Variants in CCDC18 observed in about 807,000 individuals in gnomAD.
The protein encoded by CCDC18 is coiled-coil domain containing 18.
In CCDC18, 157 loss-of-function variants were observed where a neutral mutation model predicts 196.0. That is an observed-to-expected ratio of 0.80 (90% CI 0.70 to 0.91). The LOEUF is 0.91. Ranked by LOEUF, CCDC18 falls within the 40% of genes least tolerant of loss-of-function variation. CCDC18 has a pLI of 0.00. For synonymous variants in CCDC18, 482 were observed against 529.2 expected (o/e 0.91, Z 1.22); for missense variants, 1,465 against 1,611.6 (o/e 0.91, Z 1.56).
chr1:93,188,249 A>G (rs886620521), intron 4 of CCDC18, among the ~76,000 whole-genome samples: 2 of 152,182 alleles, frequency 1.3e-5, no homozygotes, highest in African/African-American at 4.8e-5. Context: ...GCAGAAATCA[A>G]TCAATATATT....
intron 27 of CCDC18, among the ~76,000 whole-genome samples, chr1:93,265,153 T>G (rs188935872): frequency 5.7e-4 from 87 of 152,290 alleles, no homozygotes; most frequent in Middle Eastern, 3.4e-3. Context: ...GGTTTTATAC[T>G]TGATGTACCT....
chr1:93,217,703 C>G, intron 13 of CCDC18, 35 bp from the exon 14 acceptor site: 1 of 1,555,144 alleles, frequency 6.4e-7, no homozygotes. Context: ...CCTCCCAAAT[C>G]AATTATACTC....
intron 14 of CCDC18, among the ~76,000 whole-genome samples, chr1:93,221,095 A>G (rs1174508823): frequency 6.6e-6 from 1 of 152,170 alleles, no homozygotes; most frequent in Admixed American, 6.5e-5. Context: ...GAACATACAC[A>G]TGCATGTATT....
upstream of CCDC18, chr1:93,180,241 A>T (rs140627124): frequency 1.5e-5 from 24 of 1,609,926 alleles, no homozygotes; most frequent in Non-Finnish European, 2.0e-5. Context: ...CTTGTCGCCC[A>T]TCCCTGCTGG....
intron 6 of CCDC18, among the ~76,000 whole-genome samples, chr1:93,194,510 G>A (rs1484443315): frequency 6.6e-6 from 1 of 152,052 alleles, no homozygotes; most frequent in Non-Finnish European, 1.5e-5. Context: ...CCTCTCATTG[G>A]CTTTGTTACC....
intron 7 of CCDC18, among the ~76,000 whole-genome samples, chr1:93,204,427 T>C (rs1042981594): frequency 2.6e-5 from 4 of 152,102 alleles, no homozygotes; most frequent in Non-Finnish European, 5.9e-5. Flanking sequence ...GGGGTGAGTA[T>C]TTCTCATAAT....
At chr1:93,191,112 T>A (rs1436755640) in intron 4 of CCDC18, 12 of 556,018 alleles carry the variant, frequency 2.2e-5, no homozygotes, top group Non-Finnish European at 3.6e-5. Context: ...TTTGGAGCAA[T>A]TGAGTTTCTC....
intron 23 of CCDC18, among the ~76,000 whole-genome samples, chr1:93,250,400 AAAGAG>A (rs1472656786): frequency 3.3e-5 from 5 of 151,672 alleles, no homozygotes; most frequent in East Asian, 3.9e-4. Context: ...AAAAAAAAGA[AAAGAG>A]AGAAAAAAAA....
chr1:93,246,445 G>A (rs372227432), intron 22 of CCDC18, among the ~76,000 whole-genome samples: 13 of 152,050 alleles, frequency 8.5e-5, no homozygotes, highest in African/African-American at 3.1e-4. Flanking sequence ...ATATTACCCC[G>A]TATCAGAAGA....
chr1:93,222,940 T>G (rs903073952), intron 16 of CCDC18, among the ~76,000 whole-genome samples: 2 of 152,228 alleles, frequency 1.3e-5, no homozygotes, highest in Non-Finnish European at 2.9e-5. Flanking sequence ...CTGTTTTTAA[T>G]TCATTTTGTG....
In CCDC18 at chr1:93,258,758, G is replaced by A. The variant is rs539238665; in HGVS notation, c.3557G>A (p.Gly1186Glu). 9.0e-6 allele frequency: 14 copies of A among 1,547,214 alleles called. No individual in the cohort carries two copies. The highest frequency in any genetic ancestry group is 1.2e-5 in the Non-Finnish European group (14 of 1,150,476). Residue 1186 changes from glycine (G) to glutamate (E), a missense_variant, in exon 26 of 29, where the codon GGA becomes GAA. Gly to Glu is a moderately conservative substitution (Grantham distance 98, BLOSUM62 -2). Transcript: ENST00000690025. ...KQLSKEKDAH[G>E]NHLAEELGAS... The stretch of plus-strand genomic sequence containing the variant: ...TATGTCATTTTTAAGGATGCTCATG[G>A]AAACCATTTAGCTGAAGAACTGGGG...
chr1:93,182,066 T>C (rs1014636307), intron 1 of CCDC18, among the ~76,000 whole-genome samples: 1 of 152,186 alleles, frequency 6.6e-6, no homozygotes, highest in Non-Finnish European at 1.5e-5. Context: ...AGATGTTGAA[T>C]AGGTAAAGCA....
chr1:93,271,176 T>G, intron 28 of CCDC18: 1 of 985,408 alleles, frequency 1.0e-6, no homozygotes, highest in Non-Finnish European at 1.2e-6. Flanking sequence ...AATGTTCTCA[T>G]AACTTCGTCA....
rs1410586975 is a variant in CCDC18 at position 93,180,827 on chromosome 1, T to G, written c.-28T>G. The G allele has an allele frequency of 7.3e-7, 1 of 1,367,524 alleles. No homozygotes were observed. The highest frequency in any genetic ancestry group is 1.5e-5 in the African/African-American group (1 of 67,724). The allele number at this position is 1,367,524 out of a possible 1,614,324, so 84.7% of individuals were successfully genotyped here. ...GGGTCAGAGGCTTCCTAACGCAGAC[T>G]CGAGTGCGAAGCGCGCAGTCGCCGG... On this transcript the variant is annotated 5_prime_UTR_variant, in exon 1 of 29. Coordinates refer to ENST00000690025, the MANE Select transcript of CCDC18 (RefSeq NM_001378204.1).
chr1:93,266,741 C>A (rs1043568106), intron 27 of CCDC18, among the ~76,000 whole-genome samples: 13 of 152,020 alleles, frequency 8.6e-5, no homozygotes, highest in Non-Finnish European at 1.2e-4. Flanking sequence ...AAGACTAAAC[C>A]AGGAAGAAGT....
chr1:93,200,327 G>A (rs1164452537), intron 6 of CCDC18, among the ~76,000 whole-genome samples: 4 of 113,982 alleles, frequency 3.5e-5, no homozygotes, highest in African/African-American at 1.2e-4. Flanking sequence ...GACTATAGGA[G>A]ATTATTTAAA....
At chr1:93,227,174 CTTTT>C (rs36053002) in intron 17 of CCDC18, among the ~76,000 whole-genome samples, 1 of 103,694 alleles carries the variant, frequency 9.6e-6, no homozygotes, top group African/African-American at 4.3e-5. Context: ...CATTGGAAAC[CTTTT>C]TTTTTTTTTT....
intron 16 of CCDC18, among the ~76,000 whole-genome samples, chr1:93,225,776 C>CAAA (rs34857910): frequency 7.7e-6 from 1 of 130,410 alleles, no homozygotes. Flanking sequence ...GACTTTGTCT[C>CAAA]AAAAAAAAAA....
At chr1:93,204,759 TTTA>T (rs1330936531) in intron 7 of CCDC18, among the ~76,000 whole-genome samples, 3 of 151,974 alleles carry the variant, frequency 2.0e-5, no homozygotes, top group African/African-American at 7.3e-5. Context: ...TTTTTTAAAT[TTTA>T]TTATTATTAT....
Sources: allele counts gnomAD v4.1 joint callset (sites outside exome capture counted in the v4.1 genomes callset), GRCh38; gene constraint gnomAD v4.1.1; transcripts MANE v1.5; gene names NCBI Gene and HGNC (gene_info 2026-07-23, HGNC 2026-07-21).